KCNMA1: variants seen among roughly 807,000 people sequenced by gnomAD.
KCNMA1 encodes potassium calcium-activated channel subfamily M alpha 1.
Under a neutral mutation model 140.0 loss-of-function variants are expected in KCNMA1, and 29 were observed. The observed-to-expected ratio is 0.21, with a 90% CI of 0.15 to 0.28. The LOEUF (loss-of-function observed/expected upper bound fraction) is 0.28. Among genes scored for constraint, KCNMA1 ranks in the 10% least tolerant of loss-of-function variants. The pLI, the probability that KCNMA1 is intolerant of heterozygous loss-of-function variation, is 1.00. For missense variants in KCNMA1, 880 were observed against 1,602.2 expected (o/e 0.55, Z 7.70); for synonymous variants, 612 against 611.9 (o/e 1.00, Z 0.00).
At chr10:77,570,593 A>G (rs867958241) in intron 1 of KCNMA1, among the ~76,000 whole-genome samples, 1 of 40,850 alleles carries the variant, frequency 2.4e-5, no homozygotes, top group Non-Finnish European at 4.5e-5. Context: ...GTTGTGGGGT[A>G]GGGGGAGGGG....
intron 6 of KCNMA1, among the ~76,000 whole-genome samples, chr10:77,114,330 A>G (rs533331430): frequency 6.6e-6 from 1 of 152,286 alleles, no homozygotes; most frequent in South Asian, 2.1e-4. Context: ...CACTGAGTGC[A>G]CTGGTATCTG....
intron 2 of KCNMA1, among the ~76,000 whole-genome samples, chr10:77,369,740 A>G (rs35776): frequency 0.81 from 123,473 of 152,154 alleles, 50,303 homozygotes; most frequent in Middle Eastern, 0.88. Context: ...AAGTCTCTCT[A>G]CAAGTTACTG....
intron 13 of KCNMA1, among the ~76,000 whole-genome samples, chr10:77,076,154 C>A (rs935751186): frequency 2.0e-5 from 3 of 151,024 alleles, no homozygotes; most frequent in African/African-American, 7.3e-5. Context: ...ATACAATTGC[C>A]CAAGTGTCAG....
intron 16 of KCNMA1, among the ~76,000 whole-genome samples, chr10:77,021,377 A>G (rs1014877959): frequency 1.3e-5 from 2 of 152,198 alleles, no homozygotes; most frequent in African/African-American, 4.8e-5. Context: ...TGACTGACAC[A>G]TAGAAGGTCT....
At chr10:76,935,461 C>G (rs1239315152) in intron 23 of KCNMA1, among the ~76,000 whole-genome samples, 1 of 152,182 alleles carries the variant, frequency 6.6e-6, no homozygotes, top group African/African-American at 2.4e-5. Flanking sequence ...TCCATGTGCC[C>G]TTGACTAGCT....
chr10:77,528,374 C>T (rs959799222), intron 1 of KCNMA1, among the ~76,000 whole-genome samples: 38 of 152,014 alleles, frequency 2.5e-4, no homozygotes, highest in African/African-American at 8.2e-4. Context: ...TTTGGGAGGC[C>T]GAGGCAGGCA....
At chr10:77,030,698 A>G (rs1402969240) in intron 15 of KCNMA1, among the ~76,000 whole-genome samples, 1 of 152,204 alleles carries the variant, frequency 6.6e-6, no homozygotes, top group African/African-American at 2.4e-5. Flanking sequence ...TATAAAAAGA[A>G]AAGAGTTTCC....
intron 3 of KCNMA1, among the ~76,000 whole-genome samples, chr10:77,220,785 T>C (rs1457623458): frequency 6.6e-6 from 1 of 152,180 alleles, no homozygotes; most frequent in Non-Finnish European, 1.5e-5. Context: ...TGCCTCAAGA[T>C]ATAAGTGACA....
intron 5 of KCNMA1, among the ~76,000 whole-genome samples, chr10:77,158,486 C>T (rs1035695860): frequency 1.1e-4 from 16 of 152,112 alleles, no homozygotes; most frequent in Non-Finnish European, 7.3e-5. Flanking sequence ...TCTCTCTCCC[C>T]TTCCCCCTTT....
chr10:76,968,147 C>A (rs2074680113), intron 20 of KCNMA1, among the ~76,000 whole-genome samples: 3 of 152,048 alleles, frequency 2.0e-5, no homozygotes, highest in Admixed American at 6.6e-5. Context: ...GCGTGTAACA[C>A]TAAAGTATTT....
intron 1 of KCNMA1, among the ~76,000 whole-genome samples, chr10:77,523,190 C>G (rs1221608031): frequency 2.7e-5 from 4 of 146,160 alleles, no homozygotes. Context: ...ATGTCTTACT[C>G]AACCTTGGAC....
chr10:77,565,242 C>A (rs2067811156), intron 1 of KCNMA1, among the ~76,000 whole-genome samples: 1 of 152,188 alleles, frequency 6.6e-6, no homozygotes, highest in Non-Finnish European at 1.5e-5. Context: ...TCCAGGGATT[C>A]CAGGGATTCC....
intron 23 of KCNMA1, among the ~76,000 whole-genome samples, chr10:76,937,916 T>A (rs1452477770): frequency 6.7e-6 from 1 of 150,330 alleles, no homozygotes; most frequent in Non-Finnish European, 1.5e-5. Context: ...TGTGCGTATG[T>A]GTGTGTGTGT....
intron 3 of KCNMA1, among the ~76,000 whole-genome samples, chr10:77,230,400 C>A (rs2053186630): frequency 6.6e-6 from 1 of 152,154 alleles, no homozygotes; most frequent in African/African-American, 2.4e-5. Flanking sequence ...TACGAATCAC[C>A]ACTGTATCGT....
intron 1 of KCNMA1, among the ~76,000 whole-genome samples, chr10:77,515,116 T>C (rs2049923239): frequency 1.3e-5 from 2 of 152,054 alleles, no homozygotes; most frequent in Admixed American, 1.3e-4. Context: ...ATCCTACATG[T>C]TTGCTTCCTT....
At chr10:76,930,980 C>T (rs937582643) in intron 23 of KCNMA1, among the ~76,000 whole-genome samples, 3 of 152,052 alleles carry the variant, frequency 2.0e-5, no homozygotes, top group Admixed American at 6.6e-5. Flanking sequence ...TGGCCAGGGA[C>T]TGTGGTGAGG....
intron 2 of KCNMA1, among the ~76,000 whole-genome samples, chr10:77,318,873 G>C (rs181946810): frequency 6.6e-6 from 1 of 152,298 alleles, no homozygotes; most frequent in Non-Finnish European, 1.5e-5. Flanking sequence ...AACTAGGCAA[G>C]TTGCTTTTCT....
At chr10:77,182,215 A>T (rs771316246) in intron 5 of KCNMA1, among the ~76,000 whole-genome samples, 1 of 152,218 alleles carries the variant, frequency 6.6e-6, no homozygotes, top group Non-Finnish European at 1.5e-5. Context: ...ATATATGAAT[A>T]ACAGTGTTTA....
chr10:77,154,409 A>G (rs1252346136), intron 5 of KCNMA1, among the ~76,000 whole-genome samples: 4 of 152,234 alleles, frequency 2.6e-5, no homozygotes, highest in Non-Finnish European at 5.9e-5. Context: ...ACTAATGCTC[A>G]ATGAATGTCG....
Sources: allele counts gnomAD v4.1 joint callset (sites outside exome capture counted in the v4.1 genomes callset), GRCh38; gene constraint gnomAD v4.1.1; transcripts MANE v1.5; gene names NCBI Gene and HGNC (gene_info 2026-07-23, HGNC 2026-07-21).